The following CFTR variants were observed in gnomAD, a reference collection of about 807,000 sequenced individuals.
CFTR encodes the protein cystic fibrosis transmembrane conductance regulator.
CFTR carries 181 observed loss-of-function variants against 171.6 expected under a neutral mutation model. The observed-to-expected ratio is 1.05, with a 90% CI of 0.93 to 1.19. The LOEUF (loss-of-function observed/expected upper bound fraction) is 1.19, where lower values mean the gene tolerates loss of function less well. Ranked by LOEUF, CFTR falls within the 50% of genes most tolerant of loss-of-function variation. The probability of loss-of-function intolerance (pLI) is 0.00; values close to 1 mark genes in which losing one functional copy is unlikely to be tolerated. For missense variants in CFTR, 1,968 were observed against 1,734.7 expected (o/e 1.13, Z -2.39); for synonymous variants, 583 against 608.0 (o/e 0.96, Z 0.60).
At chr7:117,521,287 G>A (rs539046230) in intron 3 of CFTR, among the ~76,000 whole-genome samples, 3 of 151,806 alleles carry the variant, frequency 2.0e-5, no homozygotes, top group African/African-American at 4.8e-5. Context: ...TTTGTACCTC[G>A]ATCATTTTTC....
chr7:117,562,512 T>A (rs1791525835), intron 11 of CFTR, among the ~76,000 whole-genome samples: 2 of 152,158 alleles, frequency 1.3e-5, no homozygotes, highest in South Asian at 4.1e-4. Flanking sequence ...TGTGGGCACA[T>A]TGGCTCCATG....
At chr7:117,563,953 T>G (rs1791557282) in intron 11 of CFTR, among the ~76,000 whole-genome samples, 1 of 152,184 alleles carries the variant, frequency 6.6e-6, no homozygotes, top group Admixed American at 6.5e-5. Flanking sequence ...ATGTAATGGA[T>G]GTAATGAATT....
chr7:117,514,563 G>A (rs1798570593), intron 3 of CFTR, among the ~76,000 whole-genome samples: 1 of 152,134 alleles, frequency 6.6e-6, no homozygotes, highest in Admixed American at 6.5e-5. Context: ...TGTCATTGAT[G>A]GGCATTTGGG....
intron 1 of CFTR, among the ~76,000 whole-genome samples, chr7:117,483,025 A>T (rs1170892890): frequency 6.6e-6 from 1 of 152,236 alleles, no homozygotes; most frequent in East Asian, 1.9e-4. Context: ...AAATATTGTT[A>T]GGATCTAAGG....
chr7:117,632,287 G>A lies in CFTR; in HGVS notation c.3717+4517G>A, dbSNP rs187482876. On this transcript the variant is annotated intron_variant, in intron 22 of 26. Coordinates refer to ENST00000003084, the MANE Select transcript of CFTR (RefSeq NM_000492.4). ...CTTGTTTAAGAAGGCCATTAGGGCCGGGTGTGGTGGCTCATGCTTGTAATC... is the reference window on the plus strand; with the variant it reads ...CTTGTTTAAGAAGGCCATTAGGGCCAGGTGTGGTGGCTCATGCTTGTAATC... Among the ~76,000 whole-genome samples, 8 of 152,238 alleles carry A rather than the reference G, an allele frequency of 5.3e-5. No individual in the cohort carries two copies. The East Asian group carries it at 1.5e-3, about 29-fold the overall frequency.
At chr7:117,522,476 C>T (rs946285135) in intron 3 of CFTR, among the ~76,000 whole-genome samples, 2 of 152,208 alleles carry the variant, frequency 1.3e-5, no homozygotes, top group South Asian at 2.1e-4. Flanking sequence ...GTTTATTTCA[C>T]CATCACGCTG....
rs189595246 is a variant in CFTR at position 117,480,168 on chromosome 7, G to A, written c.53+21G>A. On this transcript the variant is annotated intron_variant, in intron 1 of 26. Coordinates refer to ENST00000003084, the MANE Select transcript of CFTR (RefSeq NM_000492.4). ...TTCAGGTGAGAAGGTGGCCAACCGA[G>A]CTTCGGAAAGACACGTGCCCACGAA... The A allele has an allele frequency of 4.6e-5, 74 of 1,613,554 alleles. No homozygotes were observed. The East Asian group carries it at 9.8e-4, about 21-fold the overall frequency.
At chr7:117,534,502 TAAGA>T (rs1205194735) in intron 5 of CFTR, 137 bp downstream of exon 5, 2 of 667,864 alleles carry the variant, frequency 3.0e-6, no homozygotes, top group Admixed American at 4.3e-5. Context: ...TTCTGGAAAC[TAAGA>T]AAGGTCAATT....
chr7:117,642,447 T>C lies in CFTR; in HGVS notation c.3727T>C (p.Leu1243=), dbSNP rs1392953776. ...CACTTTTACCTTATAGGTGGGCCTC[T>C]TGGGAAGAACTGGATCAGGGAAGAG... is the stretch of plus-strand genomic sequence containing the variant. ...SISPGQRVGL[L]GRTGSGKSTL... Residue 1243 remains leucine, a synonymous_variant, in exon 23 of 27, where the codon TTG becomes CTG. Transcript: ENST00000003084. 2 of 1,613,604 alleles carry C rather than the reference T, an allele frequency of 1.2e-6. No homozygotes were observed. Among genetic ancestry groups the C allele is most frequent in the Non-Finnish European group, 1.7e-6 (2 of 1,179,620 alleles).
At chr7:117,616,333 A>T (rs1322725029) in intron 21 of CFTR, 1 of 152,128 alleles carries the variant, frequency 6.6e-6, no homozygotes, top group Non-Finnish European at 1.5e-5. Flanking sequence ...AAATGTATAG[A>T]AATGTTTCTG....
At chr7:117,552,712 A>G (rs1182585060) in intron 10 of CFTR, among the ~76,000 whole-genome samples, 1 of 152,030 alleles carries the variant, frequency 6.6e-6, no homozygotes, top group Non-Finnish European at 1.5e-5. Flanking sequence ...CTCTATATAT[A>G]TAATCAATAT....
chr7:117,654,864 C>A (rs779562462), intron 24 of CFTR, among the ~76,000 whole-genome samples: 1 of 152,156 alleles, frequency 6.6e-6, no homozygotes, highest in South Asian at 2.1e-4. Flanking sequence ...GCAGTTGTAG[C>A]CCCTCCTTTG....
At chr7:117,542,195 A>T (rs1037855691) in intron 9 of CFTR, 87 bp downstream of exon 9, 1 of 739,236 alleles carries the variant, frequency 1.4e-6, no homozygotes, top group Non-Finnish European at 2.5e-6. Context: ...GGCGAATAAA[A>T]TTAGAATGAT....
At chr7:117,517,262 G>A (rs1584779572) in intron 3 of CFTR, among the ~76,000 whole-genome samples, 1 of 151,686 alleles carries the variant, frequency 6.6e-6, no homozygotes, top group East Asian at 1.9e-4. Context: ...CTGTGTCCAT[G>A]TGTTCTCATT....
At chr7:117,544,678 A>C (rs1206519125) in intron 9 of CFTR, among the ~76,000 whole-genome samples, 1 of 152,174 alleles carries the variant, frequency 6.6e-6, no homozygotes, top group Admixed American at 6.5e-5. Flanking sequence ...ACTCCTTCTC[A>C]TGTTTAAATA....
At chr7:117,601,858 A>G (rs1031238758) in intron 15 of CFTR, among the ~76,000 whole-genome samples, 1 of 152,220 alleles carries the variant, frequency 6.6e-6, no homozygotes, top group Admixed American at 6.5e-5. Flanking sequence ...TACAAAAATC[A>G]CAGTTGTTTA....
At chr7:117,499,552 C>CT in intron 1 of CFTR, among the ~76,000 whole-genome samples, 1 of 144,984 alleles carries the variant, frequency 6.9e-6, no homozygotes, top group African/African-American at 2.6e-5. Context: ...GGATGCTAGA[C>CT]TTTTTTTTCA....
chr7:117,547,301 T>C (rs916636490), intron 9 of CFTR, among the ~76,000 whole-genome samples: 2 of 152,134 alleles, frequency 1.3e-5, no homozygotes, highest in Non-Finnish European at 2.9e-5. Context: ...ATGTAGTTTC[T>C]TGTGTATTTT....
At chr7:117,556,269 T>A (rs1799352466) in intron 10 of CFTR, among the ~76,000 whole-genome samples, 1 of 151,938 alleles carries the variant, frequency 6.6e-6, no homozygotes, top group Non-Finnish European at 1.5e-5. Flanking sequence ...TTCACCATGT[T>A]GGCCAGGATG....
Sources: allele counts gnomAD v4.1 joint callset (sites outside exome capture counted in the v4.1 genomes callset), GRCh38; gene constraint gnomAD v4.1.1; transcripts MANE v1.5; gene names NCBI Gene and HGNC (gene_info 2026-07-23, HGNC 2026-07-21).